Variants in DGKB observed in about 807,000 individuals in gnomAD.
DGKB encodes 90 kDa diacylglycerol kinase.
A neutral mutation model predicts 114.3 loss-of-function variants in DGKB; 67 were observed. The observed-to-expected ratio is 0.59, with a 90% confidence interval of 0.48 to 0.72. DGKB has a LOEUF of 0.72. Ranked by LOEUF, DGKB falls within the 30% of genes least tolerant of loss-of-function variation. DGKB has a pLI of 0.00. For missense variants in DGKB, 907 were observed against 975.2 expected, an observed-to-expected ratio of 0.93 and a Z score of 0.93; for synonymous variants, 398 against 323.1, an observed-to-expected ratio of 1.23 and a Z score of -2.49.
At chr7:14,659,142 A>C (rs2128919161) in intron 13 of DGKB, among the ~76,000 whole-genome samples, 1 of 151,846 alleles carries the variant, frequency 6.6e-6, no homozygotes, top group African/African-American at 2.4e-5. Context: ...CATTGTATTA[A>C]CTCTATTCTT....
At chr7:14,231,089 T>TTCTCTCTTTCTTTCTC (rs879667379) in intron 23 of DGKB, among the ~76,000 whole-genome samples, 1 of 75,622 alleles carries the variant, frequency 1.3e-5, no homozygotes, top group Non-Finnish European at 2.6e-5. Context: ...TTCCCTTTCT[T>TTCTCTCTTTCTTTCTC]TCTTTCTTTC....
intron 20 of DGKB, among the ~76,000 whole-genome samples, chr7:14,510,217 G>T (rs1172403726): frequency 1.3e-5 from 2 of 152,150 alleles, no homozygotes; most frequent in East Asian, 1.9e-4. Context: ...TTTCAAAAAT[G>T]ATTTCTCTGC....
At chr7:14,380,864 C>T (rs1819339648) in intron 21 of DGKB, among the ~76,000 whole-genome samples, 1 of 152,290 alleles carries the variant, frequency 6.6e-6, no homozygotes, top group South Asian at 2.1e-4. Context: ...GCTACCAACA[C>T]CCAATCCCTG....
At chr7:14,688,680 C>T (rs1327581343) in intron 9 of DGKB, among the ~76,000 whole-genome samples, 1 of 152,196 alleles carries the variant, frequency 6.6e-6, no homozygotes, top group Non-Finnish European at 1.5e-5. Flanking sequence ...TCCTAGGCTA[C>T]TCCATGCTGA....
chr7:14,764,216 T>C (rs1449294936), intron 2 of DGKB, among the ~76,000 whole-genome samples: 1 of 151,932 alleles, frequency 6.6e-6, no homozygotes, highest in Non-Finnish European at 1.5e-5. Context: ...AGCATTAATG[T>C]GCAGACGCAT....
chr7:14,937,748 C>G (rs1375246277), intron 1 of DGKB, among the ~76,000 whole-genome samples: 1 of 150,360 alleles, frequency 6.7e-6, no homozygotes. Flanking sequence ...TCTGCTACCC[C>G]TGAGACAGCA....
intron 1 of DGKB, among the ~76,000 whole-genome samples, chr7:14,957,658 T>C (rs966147461): frequency 6.6e-6 from 1 of 152,094 alleles, no homozygotes; most frequent in African/African-American, 2.4e-5. Flanking sequence ...TTCTATTTCA[T>C]ATAAGACTGC....
chr7:14,195,519 A>G (rs1335379304), intron 23 of DGKB, among the ~76,000 whole-genome samples: 2 of 152,186 alleles, frequency 1.3e-5, no homozygotes, highest in Non-Finnish European at 2.9e-5. Context: ...ATGCAATGTA[A>G]TACAGGGCAG....
chr7:14,901,947 C>T (rs909440711), intron 1 of DGKB, among the ~76,000 whole-genome samples: 1 of 152,000 alleles, frequency 6.6e-6, no homozygotes, highest in African/African-American at 2.4e-5. Flanking sequence ...TTTAAAATCA[C>T]AAGAAAGAGA....
chr7:14,376,722 T>C (rs1020014151), intron 21 of DGKB, among the ~76,000 whole-genome samples: 8 of 152,212 alleles, frequency 5.3e-5, no homozygotes, highest in Non-Finnish European at 1.0e-4. Context: ...CCTGTTTGAA[T>C]ACTAAACGTG....
In DGKB at chr7:14,681,587, A is replaced by G. The variant is rs144087818; in HGVS notation, c.1035+966T>C. Among the ~76,000 whole-genome samples the G allele has an allele frequency of 2.4e-4, 37 of 152,148 alleles. No individual in the cohort carries two copies. The East Asian group carries it at 7.0e-3, about 29-fold the overall frequency. ...GTGCCTCCTACTGTTTTATTTTGAC[A>G]AAAGTAAAAACTTTAGTCCTGTAAC... is the stretch of plus-strand genomic sequence containing the variant. On this transcript the variant is annotated intron_variant, in intron 12 of 25. Transcript: ENST00000402815.
intron 4 of DGKB, among the ~76,000 whole-genome samples, chr7:14,736,788 T>C (rs762203413): frequency 1.5e-4 from 23 of 152,238 alleles, no homozygotes; most frequent in Non-Finnish European, 3.1e-4. Context: ...CTGATACTCA[T>C]TGCAGAACTA....
chr7:14,668,818 T>G (rs1256736363), intron 13 of DGKB, among the ~76,000 whole-genome samples: 1 of 152,122 alleles, frequency 6.6e-6, no homozygotes, highest in Admixed American at 6.6e-5. Context: ...TTTGCATATA[T>G]TCTCAACTCT....
intron 1 of DGKB, among the ~76,000 whole-genome samples, chr7:14,868,031 G>A (rs192657022): frequency 1.4e-4 from 22 of 152,220 alleles, no homozygotes; most frequent in Admixed American, 5.9e-4. Context: ...AAGTCAGACC[G>A]GCGTGGATTG....
At chr7:14,365,919 A>G (rs1197928847) in intron 21 of DGKB, among the ~76,000 whole-genome samples, 1 of 152,126 alleles carries the variant, frequency 6.6e-6, no homozygotes, top group African/African-American at 2.4e-5. Flanking sequence ...ATACTTGAAG[A>G]ATTTGATGAC....
At chr7:14,472,948 T>C (rs1314175998) in intron 21 of DGKB, among the ~76,000 whole-genome samples, 2 of 152,116 alleles carry the variant, frequency 1.3e-5, no homozygotes, top group East Asian at 1.9e-4. Flanking sequence ...CATTCAGTTT[T>C]ATAAGGGAAG....
chr7:14,259,540 C>T (rs1465942614), intron 23 of DGKB, among the ~76,000 whole-genome samples: 1 of 152,146 alleles, frequency 6.6e-6, no homozygotes, highest in African/African-American at 2.4e-5. Flanking sequence ...CATTCTCCTG[C>T]CTCAGCCTCC....
At chr7:14,326,143 G>A (rs2128547938) in intron 23 of DGKB, among the ~76,000 whole-genome samples, 1 of 150,678 alleles carries the variant, frequency 6.6e-6, no homozygotes, top group Admixed American at 6.6e-5. Context: ...ACTAAAACCT[G>A]TGTGTAAGAA....
intron 2 of DGKB, among the ~76,000 whole-genome samples, chr7:14,769,281 A>AGAAAGAAAGATT (rs1460584162): frequency 6.7e-6 from 1 of 149,316 alleles, no homozygotes; most frequent in Non-Finnish European, 1.5e-5. Context: ...AAAGAAAGAA[A>AGAAAGAAAGATT]GATTTTGTAA....
Sources: allele counts gnomAD v4.1 joint callset (sites outside exome capture counted in the v4.1 genomes callset), GRCh38; gene constraint gnomAD v4.1.1; transcripts MANE v1.5; gene names NCBI Gene and HGNC (gene_info 2026-07-23, HGNC 2026-07-21).